The following ZBTB17 variants were observed in gnomAD, a reference collection of about 807,000 sequenced individuals.
ZBTB17 encodes the protein zinc finger and BTB domain containing 17.
ZBTB17 carries 24 observed loss-of-function variants against 85.1 expected under a neutral mutation model. That is an observed-to-expected ratio of 0.28 (90% CI 0.20 to 0.40). The LOEUF is 0.40. Ranked by LOEUF, ZBTB17 falls within the 10% of genes least tolerant of loss-of-function variation. The pLI is 1.00. For missense variants in ZBTB17, 743 were observed against 1,105.1 expected (o/e 0.67, Z 4.65); for synonymous variants, 464 against 460.2 (o/e 1.01, Z -0.11).
At chr1:15,958,138 A>G (rs1319226347) in intron 2 of ZBTB17, among the ~76,000 whole-genome samples, 2 of 152,220 alleles carry the variant, frequency 1.3e-5, no homozygotes, top group African/African-American at 4.8e-5. Flanking sequence ...CATAAATACG[A>G]GTGTGCAATG....
Position 15,943,171 on chromosome 1 carries a change from G to A in ZBTB17, c.1721C>T (p.Ala574Val). The A allele has an allele frequency of 6.2e-7, 1 of 1,614,178 alleles. No individual in the cohort carries two copies. The highest frequency in any genetic ancestry group is 8.5e-7 in the Non-Finnish European group (1 of 1,180,004). ...GTTGTCGTGGTGGCGAATATGATTG[G>A]CCAACTGGCTGGACTGGACGAATCT... ...GKRFVQSSQL[A>V]NHIRHHDNIR... The change falls in exon 13 of 16, where the codon GCC (alanine) becomes GTC (valine). Residue 574 changes from alanine (A) to valine (V), a missense_variant. This residue lies in a region of ZBTB17 where 321 missense variants were observed against 615.7 expected (regional missense o/e 0.52). Coordinates refer to ENST00000375743, the MANE Select transcript of ZBTB17 (RefSeq NM_003443.3).
In ZBTB17 at chr1:15,971,279, G is replaced by A. The variant is rs535449077; in HGVS notation, c.-3+1760C>T. 2.6e-5 allele frequency among the ~76,000 whole-genome samples: 4 copies of A among 150,970 alleles called. No homozygotes were observed. The East Asian group carries it at 7.7e-4, about 29-fold the overall frequency. ...ATCAAACACTAAGACACATGTTTTG[G>A]GTAGGTAGGTGGGTGGGTGGGGGAA... On this transcript the variant is annotated intron_variant, in intron 2 of 15. Coordinates refer to ENST00000375743, the MANE Select transcript of ZBTB17 (RefSeq NM_003443.3).
intron 6 of ZBTB17, among the ~76,000 whole-genome samples, chr1:15,945,452 G>A (rs899349831): frequency 6.6e-6 from 1 of 152,240 alleles, no homozygotes; most frequent in African/African-American, 2.4e-5. Flanking sequence ...CCTGCACGGT[G>A]CTGAAAGCCG....
At chr1:15,943,759 T>G in intron 10 of ZBTB17, 44 bp from the exon 11 acceptor site, 1 of 1,612,656 alleles carries the variant, frequency 6.2e-7, no homozygotes, top group Non-Finnish European at 8.5e-7. Context: ...GCACCACCGG[T>G]GGCCGAGGAG....
At position 15,953,684 on chromosome 1, in the gene ZBTB17, T is replaced by C. The variant is rs1189466454; in HGVS notation, c.-2-5187A>G. On this transcript the variant is annotated intron_variant, in intron 2 of 15. Transcript: ENST00000375743. This position sits in a 1 kb window ranked among gnomAD's most constrained non-coding sequence, Gnocchi z 5.1. ...GGATTCCAGTGGCGGCTGAGCCCCA[T>C]GGAAGCAGCAGAGCCTCCCGGGACA... is the stretch of plus-strand genomic sequence containing the variant. 2.0e-5 allele frequency among the ~76,000 whole-genome samples: 3 copies of C among 152,192 alleles called. No individual in the cohort carries two copies. In the East Asian group the frequency reaches 5.8e-4, roughly 29 times the overall value.
chr1:15,942,041 G>C lies in ZBTB17; in HGVS notation c.2340C>G (p.Asp780Glu), dbSNP rs747799067. Residue 780 changes from aspartate to glutamate, a missense_variant, in exon 16 of 16, where the codon GAC becomes GAG. Coordinates refer to ENST00000375743, the MANE Select transcript of ZBTB17 (RefSeq NM_003443.3). Reference sequence around the variant, plus strand: ...CCAGTGCGGGCTGGCCCTCAGCCCCGTCGCGAGGGCGGAAGACCAGCTCCC... The same window carrying C: ...CCAGTGCGGGCTGGCCCTCAGCCCCCTCGCGAGGGCGGAAGACCAGCTCCC... ...QAGELVFRPRDGAEGQPALAE... is the reference protein window; with the variant it reads ...QAGELVFRPREGAEGQPALAE... The C allele has an allele frequency of 6.2e-7, 1 of 1,611,208 alleles. No individual in the cohort carries two copies. The highest frequency in any genetic ancestry group is 8.5e-7 in the Non-Finnish European group (1 of 1,179,980).
rs1570094418 is a variant in ZBTB17 at position 15,942,856 on chromosome 1, G to C, written c.1829-118C>G. 10 of 1,385,306 alleles carry C rather than the reference G, an allele frequency of 7.2e-6. No homozygotes were observed. In the East Asian group the frequency reaches 2.5e-4, roughly 34 times the overall value. 85.8% of individuals were successfully genotyped at this position (1,385,306 alleles called of 1,614,324 possible). ...TCTTTTACAGCAGGAGGTGCTCTGGGGTGGCTGCACGGGTGCCTCTGGTGA... is the reference window on the plus strand; with the variant it reads ...TCTTTTACAGCAGGAGGTGCTCTGGCGTGGCTGCACGGGTGCCTCTGGTGA... On this transcript the variant is annotated intron_variant, in intron 13 of 15. Coordinates refer to ENST00000375743, the MANE Select transcript of ZBTB17 (RefSeq NM_003443.3).
At chr1:15,947,754 T>C (rs1008279202) in intron 3 of ZBTB17, among the ~76,000 whole-genome samples, 2 of 152,220 alleles carry the variant, frequency 1.3e-5, no homozygotes, top group African/African-American at 4.8e-5. Context: ...GGCCAGTCAC[T>C]GACCTCTTTG....
At position 15,945,723 on chromosome 1, in the gene ZBTB17, G is replaced by C. The variant is rs375080171; in HGVS notation, c.653C>G (p.Ser218Trp). Reference protein sequence around the residue: ...AEAEAALSESSEQEMEVEPAR... With the variant: ...AEAEAALSESWEQEMEVEPAR... ...TGGCTGGGCGGGGCTACCTTGCTCCGAGCTCTCGGACAAAGCGGCCTCAGC... is the reference window on the plus strand; with the variant it reads ...TGGCTGGGCGGGGCTACCTTGCTCCCAGCTCTCGGACAAAGCGGCCTCAGC... Residue 218 changes from serine (S) to tryptophan (W), a missense_variant, in exon 6 of 16, where the codon TCG (serine) becomes TGG (tryptophan). Ser to Trp is a radical substitution (Grantham distance 177). Around this residue, in one of 4 missense-constraint regions of ZBTB17, gnomAD observed 279 missense variants for 269.9 expected, o/e 1.03. Coordinates refer to ENST00000375743, the MANE Select transcript of ZBTB17 (RefSeq NM_003443.3). 14 of 1,606,978 alleles carry C rather than the reference G, an allele frequency of 8.7e-6. No individual in the cohort carries two copies. In the Admixed American group the frequency reaches 1.7e-4, roughly 19 times the overall value.
chr1:15,965,057 T>C (rs994760280), intron 2 of ZBTB17, among the ~76,000 whole-genome samples: 4 of 149,112 alleles, frequency 2.7e-5, no homozygotes, highest in African/African-American at 9.9e-5. Context: ...GAGTTTGCAG[T>C]GAGCTGAGAT....
chr1:15,970,507 C>A (rs1253012641), intron 2 of ZBTB17, among the ~76,000 whole-genome samples: 4 of 147,736 alleles, frequency 2.7e-5, no homozygotes, highest in African/African-American at 1.0e-4. Context: ...CTCAGCCTCC[C>A]GAGTAGCTGG....
chr1:15,969,226 C>T (rs1193085675), intron 2 of ZBTB17, among the ~76,000 whole-genome samples: 1 of 152,222 alleles, frequency 6.6e-6, no homozygotes, highest in Admixed American at 6.5e-5. Flanking sequence ...CCATCAACCC[C>T]AGATGGGATC....
intron 2 of ZBTB17, among the ~76,000 whole-genome samples, chr1:15,957,531 T>A (rs77187384): frequency 6.6e-6 from 1 of 152,022 alleles, no homozygotes; most frequent in Non-Finnish European, 1.5e-5. Flanking sequence ...GACTTTGGAT[T>A]TCTTCTAAGT....
intron 3 of ZBTB17, among the ~76,000 whole-genome samples, chr1:15,947,527 G>A (rs557543089): frequency 6.6e-6 from 1 of 151,966 alleles, no homozygotes; most frequent in Admixed American, 6.5e-5. Flanking sequence ...CACAGAGGAC[G>A]GGGGTATAAA....
intron 9 of ZBTB17, 142 bp downstream of exon 9, chr1:15,944,158 G>A (rs941927345): frequency 3.1e-6 from 4 of 1,289,034 alleles, no homozygotes; most frequent in South Asian, 2.6e-5. Flanking sequence ...AGTGGCTCTC[G>A]CTGCGCCTGT....
Position 15,942,328 on chromosome 1 carries a change from C to T in ZBTB17, c.2128+3G>A, listed in dbSNP as rs1434549017. ...ACATTCACACCCGGGTGGCCCCCCT[C>T]ACCTTCTTCCTGCACTTGCTTCACA... On this transcript the variant is annotated splice_donor_region_variant and intron_variant, in intron 15 of 15. Transcript: ENST00000375743. The T allele has an allele frequency of 6.2e-7, 1 of 1,614,010 alleles. No homozygotes were observed. The highest frequency in any genetic ancestry group is 1.1e-5 in the South Asian group (1 of 91,088).
intron 1 of ZBTB17, among the ~76,000 whole-genome samples, chr1:15,975,509 G>A (rs545715189): frequency 1.3e-5 from 2 of 152,202 alleles, no homozygotes; most frequent in South Asian, 4.1e-4. Flanking sequence ...TGAATGAAAT[G>A]CTTTTATACA....
chr1:15,952,732 A>G lies in ZBTB17; in HGVS notation c.-2-4235T>C, dbSNP rs1189904079. On this transcript the variant is annotated intron_variant, in intron 2 of 15. Transcript: ENST00000375743. The surrounding 1 kb of genome is among the most constrained non-coding windows in gnomAD (Gnocchi z 4.3). ...GGAGACACATGGAGGGGCTCTGGGG[A>G]GAGGGCACATGGAGAAGAGCAGAGA... Among the ~76,000 whole-genome samples the G allele has an allele frequency of 6.6e-6, 1 of 152,222 alleles. No individual in the cohort carries two copies. Among genetic ancestry groups the G allele is most frequent in the African/African-American group, 2.4e-5 (1 of 41,454 alleles).
chr1:15,971,129 T>C (rs1391624781), intron 2 of ZBTB17, among the ~76,000 whole-genome samples: 1 of 152,128 alleles, frequency 6.6e-6, no homozygotes, highest in Non-Finnish European at 1.5e-5. Context: ...TGTTCACAAC[T>C]TCCTTGTAAT....
Sources: allele counts gnomAD v4.1 joint callset (sites outside exome capture counted in the v4.1 genomes callset), GRCh38; gene constraint gnomAD v4.1.1; regional missense constraint gnomAD v4.1.1; non-coding constraint Gnocchi (gnomAD v3.1); transcripts MANE v1.5; gene names NCBI Gene and HGNC (gene_info 2026-07-23, HGNC 2026-07-21).